Variants in LRRN3 observed in about 807,000 individuals in gnomAD.
The protein encoded by LRRN3 is leucine-rich repeat neuronal protein 3.
Under a neutral mutation model 40.1 loss-of-function variants are expected in LRRN3, and 15 were observed. That is an observed-to-expected ratio of 0.37 (90% CI 0.25 to 0.58). The LOEUF (loss-of-function observed/expected upper bound fraction) is 0.58. Ranked by LOEUF, LRRN3 falls within the 20% of genes least tolerant of loss-of-function variation. The probability of loss-of-function intolerance (pLI) is 0.72; values close to 1 mark genes in which losing one functional copy is unlikely to be tolerated. For missense variants in LRRN3, 746 were observed against 837.7 expected (o/e 0.89, Z 1.35); for synonymous variants, 308 against 297.2 (o/e 1.04, Z -0.37).
chr7:111,115,498 G>A (rs574007089), intron 2 of LRRN3, among the ~76,000 whole-genome samples: 1 of 152,072 alleles, frequency 6.6e-6, no homozygotes, highest in Admixed American at 6.5e-5. Context: ...AAATGTGCCT[G>A]TGATTAAGAT....
In LRRN3 at chr7:111,122,799, T is replaced by C. The variant is rs778831114; in HGVS notation, c.27T>C (p.His9=). The stretch of plus-strand genomic sequence containing the variant: ...TGAAGGACATGCCACTCCGAATTCA[T>C]GTGCTACTTGGCCTAGCTATCACTA... MKDMPLRI[H]VLLGLAITTL... is the part of the protein sequence containing the mutation. The change falls in exon 3 of 3, where the codon CAT becomes CAC. Residue 9 remains histidine, a synonymous_variant. Transcript: ENST00000308478. 3.7e-6 allele frequency: 6 copies of C among 1,613,252 alleles called. No individual in the cohort carries two copies. Among genetic ancestry groups the C allele is most frequent in the South Asian group, 1.1e-5 (1 of 90,972 alleles).
At position 111,122,554 on chromosome 7, in the gene LRRN3, G is replaced by A. The variant is rs1586425754; in HGVS notation, c.-219G>A. On this transcript the variant is annotated 5_prime_UTR_variant, in exon 3 of 3. Coordinates refer to ENST00000308478, the MANE Select transcript of LRRN3 (RefSeq NM_001099658.2). Reference sequence around the variant, plus strand: ...AAGTACATCAATATTATATCATTAAGGAAATAGTAACCTTCTCTTCTCCAA... The same window carrying A: ...AAGTACATCAATATTATATCATTAAAGAAATAGTAACCTTCTCTTCTCCAA... 1 of 533,962 alleles carries A rather than the reference G, an allele frequency of 1.9e-6. No individual in the cohort carries two copies. The highest frequency in any genetic ancestry group is 3.3e-6 in the Non-Finnish European group (1 of 302,392). The allele number at this position is 533,962 out of a possible 1,614,324, so 33.1% of individuals were successfully genotyped here.
At chr7:111,107,179 C>CAG (rs1554518161) in intron 2 of LRRN3, among the ~76,000 whole-genome samples, 1 of 151,756 alleles carries the variant, frequency 6.6e-6, no homozygotes, top group Non-Finnish European at 1.5e-5. Flanking sequence ...CCCTTTCCCT[C>CAG]TCTCTCCTTC....
rs1377956095 is a variant in LRRN3, at chr7:111,124,029, T to C, written c.1257T>C (p.Cys419=). The part of the protein sequence containing the change: ...QVHFRDMMEI[C]LPLIAPESFP... ...ATTTCAGGGACATGATGGAAATTTG[T>C]CTCCCTCTTATAGCTCCTGAGAGCT... The change falls in exon 3 of 3, where the codon TGT becomes TGC. Residue 419 remains cysteine (C), a synonymous_variant. Transcript: ENST00000308478. 6.2e-7 allele frequency: 1 copy of C among 1,613,970 alleles called. No individual in the cohort carries two copies. The highest frequency in any genetic ancestry group is 8.5e-7 in the Non-Finnish European group (1 of 1,179,990).
rs866379416 is a variant in LRRN3, at chr7:111,123,962, T to C, written c.1190T>C (p.Val397Ala). 1.2e-6 allele frequency: 2 copies of C among 1,614,044 alleles called. No homozygotes were observed. Among genetic ancestry groups the C allele is most frequent in the Middle Eastern group, 3.3e-4 (2 of 6,060 alleles). The change falls in exon 3 of 3, where the codon GTG becomes GCG. Residue 397 changes from valine (V) to alanine (A), a missense_variant. Coordinates refer to ENST00000308478, the MANE Select transcript of LRRN3 (RefSeq NM_001099658.2). This position sits in a 1 kb window ranked among gnomAD's most constrained non-coding sequence, Gnocchi z 6.4. The part of the protein sequence containing the change: ...RFMEPDSLFC[V>A]DPPEFQGQNV... ...ATGGAGCCAGATTCACTGTTTTGCG[T>C]GGACCCACCTGAATTCCAAGGTCAG... is the stretch of plus-strand genomic sequence containing the variant.
At chr7:111,106,712 A>G (rs1798589939) in intron 2 of LRRN3, among the ~76,000 whole-genome samples, 1 of 148,202 alleles carries the variant, frequency 6.7e-6, no homozygotes, top group Admixed American at 6.9e-5. Context: ...TAGGATGCAC[A>G]TAAAAACTGC....
At chr7:111,113,520 A>G (rs1270338993) in intron 2 of LRRN3, among the ~76,000 whole-genome samples, 1 of 152,076 alleles carries the variant, frequency 6.6e-6, no homozygotes, top group Non-Finnish European at 1.5e-5. Context: ...CAATCACTTC[A>G]TTTATTTTTT....
chr7:111,124,005 T>C lies in LRRN3; in HGVS notation c.1233T>C (p.His411=). ...EFQGQNVRQV[H]FRDMMEICLP... is the part of the protein sequence containing the mutation. ...AAGGTCAGAATGTTCGGCAAGTGCATTTCAGGGACATGATGGAAATTTGTC... is the reference window on the plus strand; with the variant it reads ...AAGGTCAGAATGTTCGGCAAGTGCACTTCAGGGACATGATGGAAATTTGTC... Residue 411 remains histidine (H), a synonymous_variant, in exon 3 of 3, where the codon CAT becomes CAC. Coordinates refer to ENST00000308478, the MANE Select transcript of LRRN3 (RefSeq NM_001099658.2). The C allele has an allele frequency of 6.2e-7, 1 of 1,614,076 alleles. No individual in the cohort carries two copies. Among genetic ancestry groups the C allele is most frequent in the Non-Finnish European group, 8.5e-7 (1 of 1,179,968 alleles).
chr7:111,100,777 A>G (rs1182893768), intron 2 of LRRN3, among the ~76,000 whole-genome samples: 1 of 151,472 alleles, frequency 6.6e-6, no homozygotes, highest in Non-Finnish European at 1.5e-5. Context: ...GGATTTATGA[A>G]CATCTAAGAT....
chr7:111,120,677 G>A (rs1261350576), intron 2 of LRRN3, among the ~76,000 whole-genome samples: 2 of 152,074 alleles, frequency 1.3e-5, no homozygotes, highest in African/African-American at 4.8e-5. Context: ...TAACACACAG[G>A]TACATCTACA....
intron 2 of LRRN3, among the ~76,000 whole-genome samples, chr7:111,111,393 T>G (rs1488400091): frequency 1.3e-5 from 2 of 148,502 alleles, no homozygotes; most frequent in African/African-American, 5.1e-5. Context: ...CAAATTACAC[T>G]GCTTTCCATC....
At chr7:111,119,295 A>G (rs1800290660) in intron 2 of LRRN3, among the ~76,000 whole-genome samples, 1 of 152,196 alleles carries the variant, frequency 6.6e-6, no homozygotes, top group Admixed American at 6.5e-5. Context: ...TCGGAGGGGT[A>G]TATGCTCCCA....
intron 2 of LRRN3, among the ~76,000 whole-genome samples, chr7:111,120,146 T>G (rs2129587374): frequency 6.6e-6 from 1 of 152,340 alleles, no homozygotes; most frequent in East Asian, 1.9e-4. Context: ...ATGATTATAT[T>G]TCAAAGACAC....
chr7:111,106,808 T>A (rs1187469630), intron 2 of LRRN3, among the ~76,000 whole-genome samples: 1 of 151,058 alleles, frequency 6.6e-6, no homozygotes, highest in Non-Finnish European at 1.5e-5. Context: ...AAAAATGGAA[T>A]CAACACACAA....
intron 2 of LRRN3, among the ~76,000 whole-genome samples, chr7:111,110,143 A>C (rs1030813369): frequency 4.6e-5 from 7 of 152,292 alleles, no homozygotes; most frequent in African/African-American, 1.7e-4. Flanking sequence ...TCAAAAAATA[A>C]AGTCTTTAGG....
At chr7:111,102,605 G>A (rs1161751674) in intron 2 of LRRN3, among the ~76,000 whole-genome samples, 2 of 151,528 alleles carry the variant, frequency 1.3e-5, no homozygotes, top group Admixed American at 6.6e-5. Flanking sequence ...ATAAAAGAGA[G>A]AGAGAAAAAT....
At chr7:111,112,229 G>A in intron 2 of LRRN3, among the ~76,000 whole-genome samples, 1 of 152,020 alleles carries the variant, frequency 6.6e-6, no homozygotes, top group East Asian at 1.9e-4. Context: ...CTCCCAAAGT[G>A]CTGGGATTAC....
Position 111,124,083 on chromosome 7 carries a change from G to T in LRRN3, c.1311G>T (p.Gly437=), listed in dbSNP as rs114705790. ...CTTCTAATCTAAATGTAGAAGCTGG[G>T]AGCTATGTTTCCTTTCACTGTAGAG... is the stretch of plus-strand genomic sequence containing the variant. ...SFPSNLNVEA[G]SYVSFHCRAT... is the part of the protein sequence containing the mutation. Residue 437 remains glycine (G), a synonymous_variant, in exon 3 of 3, where the codon GGG becomes GGT. Coordinates refer to ENST00000308478, the MANE Select transcript of LRRN3 (RefSeq NM_001099658.2). 9.5e-4 allele frequency: 1,530 copies of T among 1,613,958 alleles called. 17 individuals are homozygous for T. The African/African-American group carries it at 0.019, about 20-fold the overall frequency.
intron 2 of LRRN3, among the ~76,000 whole-genome samples, chr7:111,120,488 C>T (rs1800463413): frequency 6.6e-6 from 1 of 152,104 alleles, no homozygotes; most frequent in South Asian, 2.1e-4. Flanking sequence ...AGGTCCCTCC[C>T]ACAACACATG....
Sources: gnomAD v4.1 joint callset for allele counts (sites outside exome capture counted in the v4.1 genomes callset) on GRCh38, gnomAD v4.1.1 for gene constraint, Gnocchi (gnomAD v3.1) non-coding constraint, MANE v1.5 for transcripts, NCBI Gene and HGNC (gene_info 2026-07-23, HGNC 2026-07-21) for gene names.